CSMD2: variants seen among roughly 807,000 people sequenced by gnomAD.
CSMD2 encodes CUB and Sushi multiple domains 2.
In CSMD2, 130 loss-of-function variants were observed where a neutral mutation model predicts 398.5. That is an observed-to-expected ratio of 0.33 (90% CI 0.28 to 0.38). CSMD2 has a LOEUF of 0.38. Among genes scored for constraint, CSMD2 ranks in the 10% least tolerant of loss-of-function variants. CSMD2 has a pLI of 1.00. For synonymous variants in CSMD2, 1,828 were observed against 1,908.5 expected (o/e 0.96, Z 1.10); for missense variants, 3,829 against 4,764.9 (o/e 0.80, Z 5.78).
intron 29 of CSMD2, among the ~76,000 whole-genome samples, chr1:33,639,709 A>G (rs1643003168): frequency 6.6e-6 from 1 of 152,154 alleles, no homozygotes; most frequent in Non-Finnish European, 1.5e-5. Flanking sequence ...CAACCACATC[A>G]ACGATTCCAA....
intron 1 of CSMD2, among the ~76,000 whole-genome samples, chr1:34,092,556 G>A (rs965066214): frequency 3.3e-5 from 5 of 152,162 alleles, no homozygotes; most frequent in Admixed American, 2.0e-4. Flanking sequence ...TGCGCGCACC[G>A]TGCACGAGCC....
intron 13 of CSMD2, among the ~76,000 whole-genome samples, chr1:33,766,631 A>G (rs1273190293): frequency 1.3e-5 from 2 of 152,246 alleles, no homozygotes; most frequent in African/African-American, 2.4e-5. Flanking sequence ...AACCTTGGGC[A>G]CTTCACAGTA....
chr1:33,708,486 A>G (rs1645877654), intron 22 of CSMD2, among the ~76,000 whole-genome samples: 1 of 152,130 alleles, frequency 6.6e-6, no homozygotes, highest in Admixed American at 6.5e-5. Context: ...TACACAAATG[A>G]ACACACACAT....
chr1:33,984,498 C>T (rs1025408319), intron 3 of CSMD2, among the ~76,000 whole-genome samples: 2 of 152,238 alleles, frequency 1.3e-5, no homozygotes, highest in East Asian at 1.9e-4. Flanking sequence ...GAAAACAAAT[C>T]CCTCCCAAAA....
At chr1:33,741,782 C>T (rs1433790338) in intron 14 of CSMD2, among the ~76,000 whole-genome samples, 1 of 152,186 alleles carries the variant, frequency 6.6e-6, no homozygotes, top group Non-Finnish European at 1.5e-5. Context: ...CCTGGGCCAT[C>T]AGCTGCCTCC....
In CSMD2 at chr1:33,537,642, G is replaced by C; in HGVS notation, c.9632-33C>G. On this transcript the variant is annotated intron_variant, in intron 60 of 70. Coordinates refer to ENST00000373381, the MANE Select transcript of CSMD2 (RefSeq NM_001281956.2). The surrounding 1 kb of genome is among the most constrained non-coding windows in gnomAD (Gnocchi z 4.6). ...GACGAAGGGAGAAAGGCAGGTCTAA[G>C]TTGCTTTCCAGAACCCAATCTTCCA... is the stretch of plus-strand genomic sequence containing the variant. 1 of 1,583,260 alleles carries C rather than the reference G, an allele frequency of 6.3e-7. No homozygotes were observed. Among genetic ancestry groups the C allele is most frequent in the Non-Finnish European group, 8.6e-7 (1 of 1,162,906 alleles).
intron 29 of CSMD2, among the ~76,000 whole-genome samples, chr1:33,641,545 G>A (rs950124901): frequency 2.6e-5 from 4 of 152,148 alleles, no homozygotes; most frequent in African/African-American, 9.7e-5. Context: ...TTTAGCAAAG[G>A]GTAAAGCCAC....
rs926537927 is a variant in CSMD2, at chr1:33,543,005, T to C, written c.9101-109A>G. ...ACATGCTACCTCGGGACCTCGTGGA[T>C]AGAAATGCCTCTCATGCTGCTTTTG... is the stretch of plus-strand genomic sequence containing the variant. On this transcript the variant is annotated intron_variant, in intron 57 of 70. Coordinates refer to ENST00000373381, the MANE Select transcript of CSMD2 (RefSeq NM_001281956.2). 3.8e-6 allele frequency: 3 copies of C among 791,900 alleles called. No individual in the cohort carries two copies. In the African/African-American group the frequency reaches 5.2e-5, roughly 14 times the overall value. The allele number at this position is 791,900 out of a possible 1,614,324, so 49.1% of individuals were successfully genotyped here.
intron 5 of CSMD2, among the ~76,000 whole-genome samples, chr1:33,892,414 C>G (rs1642086166): frequency 6.6e-6 from 1 of 151,926 alleles, no homozygotes; most frequent in Admixed American, 6.6e-5. Flanking sequence ...TTTAGTCCAC[C>G]CATCACCTGA....
intron 12 of CSMD2, among the ~76,000 whole-genome samples, chr1:33,780,892 A>G (rs995668702): frequency 6.6e-6 from 1 of 152,226 alleles, no homozygotes; most frequent in African/African-American, 2.4e-5. Context: ...TTATGGGGAA[A>G]AGACAAGAAA....
intron 2 of CSMD2, among the ~76,000 whole-genome samples, chr1:34,067,459 G>A (rs1419604949): frequency 6.6e-6 from 1 of 152,148 alleles, no homozygotes; most frequent in Non-Finnish European, 1.5e-5. Flanking sequence ...CAAAGGATGG[G>A]CCAACGGCTT....
intron 3 of CSMD2, among the ~76,000 whole-genome samples, chr1:33,938,199 C>T (rs1369295674): frequency 3.3e-5 from 5 of 152,228 alleles, no homozygotes; most frequent in African/African-American, 1.2e-4. Context: ...AAAGATTTAC[C>T]TCTATTGCCC....
intron 25 of CSMD2, among the ~76,000 whole-genome samples, chr1:33,684,806 C>A (rs1440157282): frequency 6.6e-6 from 1 of 152,246 alleles, no homozygotes; most frequent in African/African-American, 2.4e-5. Context: ...CCACCCCCAA[C>A]TGCCATACAG....
In CSMD2 at chr1:33,660,798, A is replaced by T. The variant is rs116026334; in HGVS notation, c.4255+2092T>A. 4.5e-3 allele frequency among the ~76,000 whole-genome samples: 689 copies of T among 152,358 alleles called. 6 individuals are homozygous for T. Among genetic ancestry groups the T allele is most frequent in the African/African-American group, 0.016 (669 of 41,580 alleles). On this transcript the variant is annotated intron_variant, in intron 26 of 70. Coordinates refer to ENST00000373381, the MANE Select transcript of CSMD2 (RefSeq NM_001281956.2). ...TCTTCATGTGCCCATTTGCTCACTA[A>T]GCTGTGAGTGAGCACCTGCTGCATA...
intron 12 of CSMD2, among the ~76,000 whole-genome samples, chr1:33,783,431 TTC>T (rs55769634): frequency 0.091 from 12,280 of 134,848 alleles, 651 homozygotes; most frequent in East Asian, 0.15. Context: ...CATTCTCTCA[TTC>T]TCTCTCTCTC....
chr1:34,146,313 C>A (rs1279506909), intron 1 of CSMD2, among the ~76,000 whole-genome samples: 2 of 152,210 alleles, frequency 1.3e-5, no homozygotes, highest in African/African-American at 4.8e-5. Flanking sequence ...AGAGCCCCAG[C>A]AGGGAGCAGG....
intron 5 of CSMD2, among the ~76,000 whole-genome samples, chr1:33,856,484 G>C (rs1215795510): frequency 6.6e-6 from 1 of 152,144 alleles, no homozygotes; most frequent in African/African-American, 2.4e-5. Context: ...TCCTGCCATA[G>C]AGGGTGGCAC....
At chr1:33,775,439 G>A (rs754997952) in intron 12 of CSMD2, among the ~76,000 whole-genome samples, 10 of 151,698 alleles carry the variant, frequency 6.6e-5, no homozygotes, top group Non-Finnish European at 1.2e-4. Context: ...CTTAAATTTC[G>A]TGCCCATGAG....
rs77823165 is a variant in CSMD2, at chr1:34,073,936, G to A, written c.404+15041C>T. ...GAGGCCTCAGGAAACTTACAATCAC[G>A]GCATAAGGCAAAGGGGGAATAAGCA... On this transcript the variant is annotated intron_variant, in intron 2 of 70. Transcript: ENST00000373381. Among the ~76,000 whole-genome samples the A allele has an allele frequency of 3.7e-3, 562 of 152,298 alleles. 7 individuals are homozygous for A. Among genetic ancestry groups the A allele is most frequent in the Middle Eastern group, 0.02 (6 of 294 alleles).
Sources: allele counts gnomAD v4.1 joint callset (sites outside exome capture counted in the v4.1 genomes callset), GRCh38; gene constraint gnomAD v4.1.1; non-coding constraint Gnocchi (gnomAD v3.1); transcripts MANE v1.5; gene names NCBI Gene and HGNC (gene_info 2026-07-23, HGNC 2026-07-21).